TSHZ3: variants seen among roughly 807,000 people sequenced by gnomAD.
The protein encoded by TSHZ3 is teashirt homolog 3.
TSHZ3 carries 10 observed loss-of-function variants against 64.5 expected under a neutral mutation model. The ratio of observed to expected loss-of-function variants is 0.16; its 90% CI spans 0.10 to 0.26. TSHZ3 has a LOEUF of 0.26. TSHZ3 is among the 10% of genes least tolerant of loss of function. TSHZ3 has a pLI of 1.00. For missense variants in TSHZ3, 1,242 were observed against 1,421.7 expected (o/e 0.87, Z 2.03); for synonymous variants, 608 against 593.1 (o/e 1.03, Z -0.36).
At chr19:31,183,091 C>A (rs1163053113) in intron 5 of TSHZ3, among the ~76,000 whole-genome samples, 1 of 152,086 alleles carries the variant, frequency 6.6e-6, no homozygotes, top group East Asian at 1.9e-4. Context: ...ACAACATCAA[C>A]CCTTCCCTGA....
In TSHZ3 at chr19:31,276,314, A is replaced by G; in HGVS notation, c.*233T>C. On this transcript the variant is annotated 3_prime_UTR_variant, in exon 2 of 2. Transcript: ENST00000240587. The stretch of plus-strand genomic sequence containing the variant: ...GCTCACAACTAAATCCCGTTTACAC[A>G]AAGTTCCAAACACTTACCACTGCAT... The G allele has an allele frequency of 5.3e-6, 2 of 380,618 alleles. No individual in the cohort carries two copies. Among genetic ancestry groups the G allele is most frequent in the Non-Finnish European group, 9.3e-6 (2 of 214,370 alleles). The allele number at this position is 380,618 out of a possible 1,614,324, so 23.6% of individuals were successfully genotyped here.
At chr19:31,217,193 A>AGTT (rs1975345427) in intron 4 of TSHZ3, among the ~76,000 whole-genome samples, 1 of 152,210 alleles carries the variant, frequency 6.6e-6, no homozygotes, top group Non-Finnish European at 1.5e-5. Flanking sequence ...GGGCAGAGAC[A>AGTT]GCTAGTGGCA....
intron 1 of TSHZ3, among the ~76,000 whole-genome samples, chr19:31,327,398 T>C (rs1916961916): frequency 6.6e-6 from 1 of 152,236 alleles, no homozygotes; most frequent in South Asian, 2.1e-4. Context: ...TGTGGAGTTA[T>C]GTCAACATGT....
intron 5 of TSHZ3, among the ~76,000 whole-genome samples, chr19:31,178,293 T>C (rs1398069603): frequency 1.3e-5 from 2 of 152,158 alleles, no homozygotes; most frequent in Non-Finnish European, 2.9e-5. Context: ...GGAGTGATAA[T>C]AGTATTCAGG....
At chr19:31,214,863 C>T (rs1045214963) in intron 4 of TSHZ3, among the ~76,000 whole-genome samples, 3 of 142,266 alleles carry the variant, frequency 2.1e-5, no homozygotes, top group South Asian at 4.6e-4. Flanking sequence ...AGCGGAGATC[C>T]GGTCACTGCA....
chr19:31,187,821 T>A (rs989657860), intron 5 of TSHZ3, among the ~76,000 whole-genome samples: 13 of 152,156 alleles, frequency 8.5e-5, no homozygotes, highest in Admixed American at 3.3e-4. Flanking sequence ...ACTGTCTTGA[T>A]AACTTTAGTT....
At chr19:31,319,716 C>T (rs147461564) in intron 1 of TSHZ3, among the ~76,000 whole-genome samples, 52 of 152,256 alleles carry the variant, frequency 3.4e-4, no homozygotes, top group African/African-American at 1.2e-3. Flanking sequence ...ACGGTAATCA[C>T]AAAGAAAACA....
At chr19:31,282,896 C>T (rs964256722) in intron 1 of TSHZ3, among the ~76,000 whole-genome samples, 1 of 152,218 alleles carries the variant, frequency 6.6e-6, no homozygotes, top group Admixed American at 6.5e-5. Flanking sequence ...TCTGAGGGTT[C>T]TTTCAAGCGC....
In TSHZ3 at chr19:31,269,529, G is replaced by A. The variant is rs549017818; in HGVS notation, n.64-26654C>T. Among the ~76,000 whole-genome samples the A allele has an allele frequency of 9.0e-4, 136 of 151,744 alleles. No individual in the cohort carries two copies. The South Asian group carries it at 0.026, about 29-fold the overall frequency. ...CACAGGTATGGCCACGGACAAGAGA[G>A]TCACATAAAGGAAAAAAAAAAGCAG... On this transcript the variant is annotated intron_variant and non_coding_transcript_variant, in intron 1 of 6. Transcript: ENST00000651361.
intron 5 of TSHZ3, among the ~76,000 whole-genome samples, chr19:31,172,232 G>C (rs1974545873): frequency 1.3e-5 from 2 of 152,204 alleles, no homozygotes; most frequent in Admixed American, 1.3e-4. Flanking sequence ...CATCAACTTA[G>C]TGACAACCAG....
At chr19:31,179,895 A>C (rs1974684173) in intron 5 of TSHZ3, among the ~76,000 whole-genome samples, 2 of 151,842 alleles carry the variant, frequency 1.3e-5, no homozygotes, top group Non-Finnish European at 2.9e-5. Context: ...GAGCTCATAT[A>C]GTGCCACTCA....
intron 1 of TSHZ3, among the ~76,000 whole-genome samples, chr19:31,267,814 G>A (rs1976075125): frequency 6.6e-6 from 1 of 152,186 alleles, no homozygotes; most frequent in Admixed American, 6.5e-5. Context: ...AGCTTGTTGA[G>A]AATGGGGATA....
intron 4 of TSHZ3, among the ~76,000 whole-genome samples, chr19:31,222,417 G>T (rs1599591015): frequency 6.6e-6 from 1 of 152,178 alleles, no homozygotes; most frequent in Non-Finnish European, 1.5e-5. Context: ...GAGACAAGTA[G>T]GACTGAGACT....
At chr19:31,163,287 T>A (rs1215154298) in intron 5 of TSHZ3, among the ~76,000 whole-genome samples, 1 of 152,172 alleles carries the variant, frequency 6.6e-6, no homozygotes, top group East Asian at 1.9e-4. Flanking sequence ...GGTTTGAGGT[T>A]GAGTTGGTAA....
intron 4 of TSHZ3, among the ~76,000 whole-genome samples, chr19:31,227,589 G>A (rs1975485080): frequency 6.6e-6 from 1 of 152,136 alleles, no homozygotes; most frequent in Non-Finnish European, 1.5e-5. Context: ...GGATGGGAGG[G>A]AAGAAGAGAG....
At chr19:31,346,640 C>G (rs1917599398) in intron 1 of TSHZ3, among the ~76,000 whole-genome samples, 1 of 152,122 alleles carries the variant, frequency 6.6e-6, no homozygotes, top group Admixed American at 6.5e-5. Flanking sequence ...TTCTTTTCCC[C>G]ACTCTCTCTC....
rs889027816 is a variant in TSHZ3, at chr19:31,239,617, G to A, written n.550+2652C>T. 1.3e-4 allele frequency among the ~76,000 whole-genome samples: 20 copies of A among 151,502 alleles called. 1 individual carries two copies. The highest frequency in any genetic ancestry group is 1.1e-3 in the Admixed American group (17 of 15,196). Reference sequence around the variant, plus strand: ...TCTTATTTTTTGGAGACAGAGTACTGTTCTGTCAGACTAAAGTGCAGTGGT... The same window carrying A: ...TCTTATTTTTTGGAGACAGAGTACTATTCTGTCAGACTAAAGTGCAGTGGT... On this transcript the variant is annotated intron_variant and non_coding_transcript_variant, in intron 3 of 6. Coordinates refer to the TSHZ3 transcript ENST00000651361.
chr19:31,333,005 T>C (rs896772005), intron 1 of TSHZ3, among the ~76,000 whole-genome samples: 5 of 151,866 alleles, frequency 3.3e-5, no homozygotes, highest in Non-Finnish European at 7.4e-5. Context: ...CTCAGGAGGC[T>C]GAGGTGGGAG....
rs563484037 is a variant in TSHZ3, at chr19:31,286,387, A to C, written c.41-6635T>G. 4.6e-5 allele frequency among the ~76,000 whole-genome samples: 7 copies of C among 152,358 alleles called. No individual in the cohort carries two copies. The East Asian group carries it at 1.2e-3, about 25-fold the overall frequency. ...GCCCACATGATGGAAAAACAAAAAA[A>C]CACAAAGACAAAACACGGATCCTGC... is the stretch of plus-strand genomic sequence containing the variant. On this transcript the variant is annotated intron_variant, in intron 1 of 1. Coordinates refer to ENST00000240587, the MANE Select transcript of TSHZ3 (RefSeq NM_020856.4).
Sources: gnomAD v4.1 joint callset for allele counts (sites outside exome capture counted in the v4.1 genomes callset) on GRCh38, gnomAD v4.1.1 for gene constraint, MANE v1.5 for transcripts, NCBI Gene and HGNC (gene_info 2026-07-23, HGNC 2026-07-21) for gene names.